The following ERP44 variants were observed in gnomAD, a reference collection of about 807,000 sequenced individuals.
The protein encoded by ERP44 is endoplasmic reticulum resident protein 44.
ERP44 carries 25 observed loss-of-function variants against 53.4 expected under a neutral mutation model. The observed-to-expected ratio is 0.47, with a 90% confidence interval of 0.34 to 0.65. The LOEUF (loss-of-function observed/expected upper bound fraction) is 0.65. Among genes scored for constraint, ERP44 ranks in the 30% least tolerant of loss-of-function variants. The pLI, the probability that ERP44 is intolerant of heterozygous loss-of-function variation, is 0.01. For missense variants in ERP44, 338 were observed against 493.2 expected (o/e 0.69, Z 2.98); for synonymous variants, 145 against 161.2 (o/e 0.90, Z 0.76).
At chr9:100,017,504 A>G (rs1433983405) in intron 7 of ERP44, among the ~76,000 whole-genome samples, 1 of 152,230 alleles carries the variant, frequency 6.6e-6, no homozygotes, top group East Asian at 1.9e-4. Context: ...TGTACTTGCA[A>G]AAAATATAAG....
intron 4 of ERP44, among the ~76,000 whole-genome samples, chr9:100,048,784 T>C (rs1826005090): frequency 6.6e-6 from 1 of 152,224 alleles, no homozygotes; most frequent in Admixed American, 6.5e-5. Context: ...AGATACTGTA[T>C]GATTCCACTT....
chr9:100,022,166 C>G lies in ERP44; in HGVS notation c.347G>C (p.Gly116Ala). 6.2e-7 allele frequency: 1 copy of G among 1,613,750 alleles called. No homozygotes were observed. The highest frequency in any genetic ancestry group is 8.5e-7 in the Non-Finnish European group (1 of 1,179,804). The change falls in exon 5 of 12, where the codon GGG (glycine) becomes GCG (alanine). Residue 116 changes from glycine (G) to alanine (A), a missense_variant. Physicochemically the swap from Gly to Ala is moderately conservative, Grantham distance 60. Transcript: ENST00000262455. ...CCTGTATTCTCTCTTCATCATCATC[C>G]CATTACGAAACAATTTGAGGGTTGG... ...KYPTLKLFRN[G>A]MMMKREYRGQ...
chr9:100,044,544 A>C (rs545305938), intron 4 of ERP44, among the ~76,000 whole-genome samples: 1 of 152,184 alleles, frequency 6.6e-6, no homozygotes, highest in Non-Finnish European at 1.5e-5. Context: ...AAGTAGCTCA[A>C]CTCCAAGCAT....
intron 1 of ERP44, among the ~76,000 whole-genome samples, chr9:100,079,788 A>G (rs1199310995): frequency 6.6e-6 from 1 of 152,014 alleles, no homozygotes; most frequent in Non-Finnish European, 1.5e-5. Flanking sequence ...ATAAAAAATT[A>G]ACTGGGCATA....
intron 1 of ERP44, among the ~76,000 whole-genome samples, chr9:100,093,777 C>A (rs528615589): frequency 6.6e-5 from 10 of 152,270 alleles, no homozygotes; most frequent in African/African-American, 1.2e-4. Flanking sequence ...ACTTTTACAC[C>A]TAAGAAGCTT....
intron 1 of ERP44, among the ~76,000 whole-genome samples, chr9:100,067,412 C>G (rs1472389702): frequency 1.3e-5 from 2 of 152,236 alleles, no homozygotes; most frequent in African/African-American, 4.8e-5. Context: ...GGGCTGGTCT[C>G]CAGCTCCTAA....
intron 4 of ERP44, among the ~76,000 whole-genome samples, chr9:100,037,640 C>CT (rs1825858427): frequency 6.6e-6 from 1 of 152,130 alleles, no homozygotes; most frequent in South Asian, 2.1e-4. Flanking sequence ...TGTCTCGCAT[C>CT]TGGGATACCA....
chr9:100,001,607 G>T (rs898406229), intron 10 of ERP44, among the ~76,000 whole-genome samples: 1 of 151,946 alleles, frequency 6.6e-6, no homozygotes, highest in Non-Finnish European at 1.5e-5. Context: ...TACAGTTTTT[G>T]ACTTAAATGT....
At chr9:100,008,048 A>C (rs921961538) in intron 8 of ERP44, among the ~76,000 whole-genome samples, 1 of 152,238 alleles carries the variant, frequency 6.6e-6, no homozygotes, top group Non-Finnish European at 1.5e-5. Context: ...TGTTAATTTT[A>C]GAGTGGGGTA....
intron 8 of ERP44, among the ~76,000 whole-genome samples, chr9:100,008,469 A>T (rs1830441129): frequency 6.6e-6 from 1 of 152,182 alleles, no homozygotes; most frequent in East Asian, 1.9e-4. Context: ...CTCCCCAACA[A>T]ATGCTAAGTT....
intron 10 of ERP44, among the ~76,000 whole-genome samples, chr9:99,993,163 T>G (rs544420521): frequency 1.3e-5 from 2 of 152,318 alleles, no homozygotes; most frequent in East Asian, 3.9e-4. Flanking sequence ...GAAACATTAC[T>G]TTAAAATTCA....
intron 1 of ERP44, among the ~76,000 whole-genome samples, chr9:100,093,301 C>G (rs1432256946): frequency 6.6e-6 from 1 of 152,184 alleles, no homozygotes; most frequent in Non-Finnish European, 1.5e-5. Context: ...CAGTGCTTCT[C>G]AACCCTGTGA....
chr9:100,068,342 G>A (rs1299019997), intron 1 of ERP44, among the ~76,000 whole-genome samples: 37 of 121,402 alleles, frequency 3.0e-4, no homozygotes, highest in South Asian at 1.1e-3. Context: ...GGGGGGGTCA[G>A]CCCCCCGCCC....
chr9:99,996,185 C>G (rs1016183971), intron 10 of ERP44, among the ~76,000 whole-genome samples: 2 of 152,096 alleles, frequency 1.3e-5, no homozygotes, highest in Admixed American at 1.3e-4. Flanking sequence ...GTCACGGAGG[C>G]AGATCCCTCA....
intron 1 of ERP44, among the ~76,000 whole-genome samples, chr9:100,091,685 C>CT (rs969338278): frequency 9.9e-5 from 15 of 152,168 alleles, no homozygotes; most frequent in East Asian, 7.7e-4. Context: ...TCAAATTCAT[C>CT]TTTTTCCAAG....
In ERP44 at chr9:100,098,828, C is replaced by T. The variant is rs775546311; in HGVS notation, c.13G>A (p.Val5Ile). The T allele has an allele frequency of 6.2e-7, 1 of 1,613,494 alleles. No homozygotes were observed. Among genetic ancestry groups the T allele is most frequent in the African/African-American group, 1.3e-5 (1 of 74,900 alleles). The change falls in exon 1 of 12, where the codon GTC (valine) becomes ATC (isoleucine). Residue 5 changes from valine (V) to isoleucine (I), a missense_variant. Physicochemically the swap from Val to Ile is conservative, Grantham distance 29. Transcript: ENST00000262455. ...CTGAGGTCGGGTAAGGATAGGAAGACGGCAGGATGCATGGTAACGCTGGGG... is the reference window on the plus strand; with the variant it reads ...CTGAGGTCGGGTAAGGATAGGAAGATGGCAGGATGCATGGTAACGCTGGGG... The part of the protein sequence containing the change: MHPA[V>I]FLSLPDLRCS...
chr9:100,048,496 A>G (rs545308399), intron 4 of ERP44, among the ~76,000 whole-genome samples: 20 of 152,126 alleles, frequency 1.3e-4, no homozygotes, highest in Non-Finnish European at 2.6e-4. Context: ...CATATGATCT[A>G]GCAATTCCAC....
intron 1 of ERP44, among the ~76,000 whole-genome samples, chr9:100,078,151 C>T (rs1475897044): frequency 1.3e-5 from 2 of 152,184 alleles, no homozygotes; most frequent in African/African-American, 4.8e-5. Context: ...TGTATGTATA[C>T]ACTTGTACTA....
chr9:99,982,726 GAATA>G lies in ERP44; in HGVS notation c.1120-17_1120-14del, dbSNP rs1269492859. The G allele has an allele frequency of 3.2e-6, 5 of 1,553,254 alleles. No homozygotes were observed. The highest frequency in any genetic ancestry group is 3.5e-6 in the Non-Finnish European group (4 of 1,142,910). On this transcript the variant is annotated splice_polypyrimidine_tract_variant and intron_variant, in intron 11 of 11. Coordinates refer to ENST00000262455, the MANE Select transcript of ERP44 (RefSeq NM_015051.3). ...CATCTTGGGCTTGCTACAAAAGAAA[GAATA>G]AAACATTTTTATACCAATATAGTTT...
Sources: gnomAD v4.1 joint callset for allele counts (sites outside exome capture counted in the v4.1 genomes callset) on GRCh38, gnomAD v4.1.1 for gene constraint, MANE v1.5 for transcripts, NCBI Gene and HGNC (gene_info 2026-07-23, HGNC 2026-07-21) for gene names.